SNX29: variants seen among roughly 807,000 people sequenced by gnomAD.
The protein encoded by SNX29 is sorting nexin-29.
In SNX29, 78 loss-of-function variants were observed where a neutral mutation model predicts 102.1. The observed-to-expected ratio is 0.76, with a 90% CI of 0.64 to 0.92. The LOEUF is 0.92. Ranked by LOEUF, SNX29 falls within the 40% of genes least tolerant of loss-of-function variation. The pLI is 0.00. For missense variants in SNX29, 1,280 were observed against 1,061.7 expected (o/e 1.21, Z -2.86); for synonymous variants, 580 against 414.5 (o/e 1.40, Z -4.85).
At chr16:12,072,271 T>G in intron 10 of SNX29, among the ~76,000 whole-genome samples, 1 of 152,212 alleles carries the variant, frequency 6.6e-6, no homozygotes. Flanking sequence ...TGCTTTCAGT[T>G]TTTGCCCATT....
chr16:12,139,270 C>G (rs1212787923), intron 13 of SNX29, among the ~76,000 whole-genome samples: 2 of 148,982 alleles, frequency 1.3e-5, no homozygotes, highest in Non-Finnish European at 3.0e-5. Context: ...TGAGACCGAT[C>G]AGGTCCCTCT....
At position 12,568,461 on chromosome 16, in the gene SNX29, C is replaced by G. The variant is rs758635222; in HGVS notation, c.2319-45C>G. On this transcript the variant is annotated intron_variant, in intron 20 of 20. Coordinates refer to ENST00000566228, the MANE Select transcript of SNX29 (RefSeq NM_032167.5). ...CCCCTTCCTGGCCTGTGGTCATTTGCTTTTCATCCCCAGACTTAACCCGAT... is the reference window on the plus strand; with the variant it reads ...CCCCTTCCTGGCCTGTGGTCATTTGGTTTTCATCCCCAGACTTAACCCGAT... 30 of 1,602,996 alleles carry G rather than the reference C, an allele frequency of 1.9e-5. No individual in the cohort carries two copies. In the East Asian group the frequency reaches 4.0e-4, roughly 21 times the overall value.
chr16:12,033,189 A>G (rs1045073656), intron 4 of SNX29, among the ~76,000 whole-genome samples: 1 of 151,940 alleles, frequency 6.6e-6, no homozygotes, highest in Non-Finnish European at 1.5e-5. Context: ...AAAGGTATAT[A>G]GCTTTAATTG....
chr16:12,519,290 G>C (rs771185395), intron 19 of SNX29, among the ~76,000 whole-genome samples: 1 of 152,190 alleles, frequency 6.6e-6, no homozygotes, highest in Non-Finnish European at 1.5e-5. Flanking sequence ...CAAAAGGTCA[G>C]AACCCAGGTG....
In SNX29 at chr16:12,275,953, C is replaced by T. The variant is rs2079236710; in HGVS notation, c.1679-1980C>T. ...TGTTGCCCAGGCTGGAGTGCAGTGG[C>T]ACCATCTCGGCTCGCTGCAATCTCC... is the stretch of plus-strand genomic sequence containing the variant. On this transcript the variant is annotated intron_variant, in intron 14 of 20. Coordinates refer to ENST00000566228, the MANE Select transcript of SNX29 (RefSeq NM_032167.5). 2.8e-5 allele frequency among the ~76,000 whole-genome samples: 4 copies of T among 143,774 alleles called. No individual in the cohort carries two copies. The South Asian group carries it at 8.8e-4, about 32-fold the overall frequency. The allele number at this position is 143,774 out of a possible 152,430, so 94.3% of individuals were successfully genotyped here. A position where few individuals can be genotyped will look rare whatever the true frequency, so the allele number is the denominator to read the frequency against.
At chr16:12,380,251 T>C (rs2083023385) in intron 16 of SNX29, among the ~76,000 whole-genome samples, 1 of 150,566 alleles carries the variant, frequency 6.6e-6, no homozygotes, top group South Asian at 2.1e-4. Context: ...AATCTGAGGT[T>C]GAGGAAGGCC....
intron 11 of SNX29, among the ~76,000 whole-genome samples, chr16:12,092,599 T>A (rs1018941426): frequency 1.3e-5 from 2 of 152,222 alleles, no homozygotes; most frequent in Non-Finnish European, 2.9e-5. Context: ...ATCCTGGCTC[T>A]GAGAGTAGTA....
At chr16:12,220,124 C>T (rs558152026) in intron 14 of SNX29, among the ~76,000 whole-genome samples, 61 of 152,308 alleles carry the variant, frequency 4.0e-4, no homozygotes, top group Middle Eastern at 3.4e-3. Context: ...CCCACCCTTT[C>T]GCCACCGCGC....
At chr16:12,528,571 G>C (rs553704119) in intron 20 of SNX29, among the ~76,000 whole-genome samples, 1 of 152,132 alleles carries the variant, frequency 6.6e-6, no homozygotes, top group South Asian at 2.1e-4. Flanking sequence ...TGGATGCCCC[G>C]TGTCCACTGA....
chr16:12,540,106 A>G (rs2077261988), intron 20 of SNX29, among the ~76,000 whole-genome samples: 1 of 152,034 alleles, frequency 6.6e-6, no homozygotes, highest in African/African-American at 2.4e-5. Context: ...AACCCAGGTC[A>G]TAAAGATTTT....
chr16:12,177,248 G>C (rs938534203), intron 13 of SNX29, among the ~76,000 whole-genome samples: 5 of 152,126 alleles, frequency 3.3e-5, no homozygotes, highest in African/African-American at 9.7e-5. Flanking sequence ...CACCATGCCT[G>C]GCTGAGTTCA....
chr16:12,285,942 G>A (rs980532114), intron 15 of SNX29, among the ~76,000 whole-genome samples: 3 of 152,004 alleles, frequency 2.0e-5, no homozygotes, highest in African/African-American at 2.4e-5. Context: ...TACAACCTCC[G>A]CCTCCTGGGT....
intron 18 of SNX29, among the ~76,000 whole-genome samples, chr16:12,475,241 G>C (rs1244695461): frequency 1.3e-5 from 2 of 152,172 alleles, no homozygotes; most frequent in Non-Finnish European, 1.5e-5. Flanking sequence ...GAGAAGCTTT[G>C]GTTGCATTCG....
intron 11 of SNX29, among the ~76,000 whole-genome samples, chr16:12,110,104 T>C (rs1395936225): frequency 6.6e-6 from 1 of 152,172 alleles, no homozygotes; most frequent in Non-Finnish European, 1.5e-5. Flanking sequence ...GCTCCGACCC[T>C]AAGCTGGACC....
chr16:12,306,710 G>A (rs900804542), intron 15 of SNX29, among the ~76,000 whole-genome samples: 42 of 152,230 alleles, frequency 2.8e-4, no homozygotes, highest in African/African-American at 1.0e-3. Flanking sequence ...GGTCTTTGGG[G>A]ATAATATTCA....
chr16:12,327,533 G>A (rs2081156329), intron 15 of SNX29, among the ~76,000 whole-genome samples: 1 of 152,158 alleles, frequency 6.6e-6, no homozygotes, highest in South Asian at 2.1e-4. Context: ...CTAAGAAGAG[G>A]AGATTAACAG....
intron 19 of SNX29, among the ~76,000 whole-genome samples, chr16:12,489,661 C>T (rs1055951292): frequency 3.3e-5 from 5 of 152,200 alleles, no homozygotes; most frequent in Non-Finnish European, 5.9e-5. Flanking sequence ...AGCATAAAAA[C>T]CAGGTCTACA....
intron 18 of SNX29, among the ~76,000 whole-genome samples, chr16:12,429,043 T>A (rs2151619647): frequency 6.6e-6 from 1 of 152,320 alleles, no homozygotes; most frequent in African/African-American, 2.4e-5. Context: ...TCCTAGTTAA[T>A]CCCAACACAC....
At chr16:12,535,018 C>G (rs899576330) in intron 20 of SNX29, among the ~76,000 whole-genome samples, 6 of 152,166 alleles carry the variant, frequency 3.9e-5, no homozygotes, top group African/African-American at 7.2e-5. Context: ...GCCTGAGAAG[C>G]TGGCTCGTTG....
Sources: allele counts gnomAD v4.1 joint callset (sites outside exome capture counted in the v4.1 genomes callset), GRCh38; gene constraint gnomAD v4.1.1; transcripts MANE v1.5; gene names NCBI Gene and HGNC (gene_info 2026-07-23, HGNC 2026-07-21).